ARHGAP10: variants seen among roughly 807,000 people sequenced by gnomAD.
ARHGAP10 encodes the protein Rho GTPase activating protein 10, also known as rho GTPase-activating protein 10.
Under a neutral mutation model 108.6 loss-of-function variants are expected in ARHGAP10, and 87 were observed. The observed-to-expected ratio is 0.80, with a 90% CI of 0.67 to 0.96. ARHGAP10 has a LOEUF of 0.96. Ranked by LOEUF, ARHGAP10 falls within the 40% of genes least tolerant of loss-of-function variation. The probability of loss-of-function intolerance (pLI) is 0.00; values close to 1 mark genes in which losing one functional copy is unlikely to be tolerated. For synonymous variants in ARHGAP10, 347 were observed against 341.1 expected (o/e 1.02, Z -0.19); for missense variants, 939 against 954.5 (o/e 0.98, Z 0.21).
intron 1 of ARHGAP10, among the ~76,000 whole-genome samples, chr4:147,792,201 G>T (rs1355999893): frequency 2.0e-5 from 3 of 152,152 alleles, no homozygotes; most frequent in Non-Finnish European, 4.4e-5. Flanking sequence ...ATTTTGTATT[G>T]TGAAACTTTT....
At chr4:147,784,861 A>T (rs1364111751) in intron 1 of ARHGAP10, among the ~76,000 whole-genome samples, 1 of 116,366 alleles carries the variant, frequency 8.6e-6, no homozygotes, top group Non-Finnish European at 1.6e-5. Context: ...TTATAAATAT[A>T]TTATAAAATA....
chr4:147,814,140 C>CT (rs1227025205), intron 1 of ARHGAP10, among the ~76,000 whole-genome samples: 1 of 152,202 alleles, frequency 6.6e-6, no homozygotes, highest in African/African-American at 2.4e-5. Context: ...GCCTCACCCT[C>CT]TTTGTATTCG....
chr4:147,922,687 C>CAAA (rs34169210), intron 13 of ARHGAP10, among the ~76,000 whole-genome samples: 2,285 of 99,068 alleles, frequency 0.023, 78 homozygotes, highest in East Asian at 0.13. Context: ...GACTCCGTCT[C>CAAA]AAAAAAAAAA....
At chr4:148,040,788 T>C (rs564888711) in intron 19 of ARHGAP10, among the ~76,000 whole-genome samples, 1 of 151,082 alleles carries the variant, frequency 6.6e-6, no homozygotes, top group African/African-American at 2.5e-5. Flanking sequence ...AGGGAAGTTA[T>C]GTATTTTTAT....
intron 17 of ARHGAP10, 87 bp downstream of exon 17, chr4:147,965,216 G>A: frequency 1.1e-6 from 1 of 927,600 alleles, no homozygotes; most frequent in Admixed American, 2.8e-5. Context: ...GTGGAACTGG[G>A]GACCACACCT....
At chr4:147,810,014 T>A (rs1228109135) in intron 1 of ARHGAP10, among the ~76,000 whole-genome samples, 21 of 152,244 alleles carry the variant, frequency 1.4e-4, no homozygotes, top group Non-Finnish European at 2.5e-4. Context: ...TATTATTTAG[T>A]ATTTTCTCTA....
chr4:147,779,286 C>T (rs1261094352), intron 1 of ARHGAP10, among the ~76,000 whole-genome samples: 1 of 152,130 alleles, frequency 6.6e-6, no homozygotes, highest in Non-Finnish European at 1.5e-5. Context: ...CTCCAGGGAC[C>T]ACTCTTGGCA....
rs1729707475 is a variant in ARHGAP10 at position 148,063,306 on chromosome 4, TG to T, written c.2180+8del. 10 of 1,613,876 alleles carry T rather than the reference TG, an allele frequency of 6.2e-6. No homozygotes were observed. Among genetic ancestry groups the T allele is most frequent in the Non-Finnish European group, 7.6e-6 (9 of 1,179,954 alleles). On this transcript the variant is annotated splice_region_variant and intron_variant, in intron 21 of 22. Coordinates refer to ENST00000336498, the MANE Select transcript of ARHGAP10 (RefSeq NM_024605.4). ...GCGGACAAGCCACCTGAAAGGTACGTGGTTTGGAGTGGAATGTGGAATATGG... is the reference window on the plus strand; with the variant it reads ...GCGGACAAGCCACCTGAAAGGTACGTGTTTGGAGTGGAATGTGGAATATGG...
At chr4:147,868,777 T>A (rs1165830855) in intron 7 of ARHGAP10, among the ~76,000 whole-genome samples, 1 of 152,102 alleles carries the variant, frequency 6.6e-6, no homozygotes, top group Non-Finnish European at 1.5e-5. Context: ...TAGATCCACG[T>A]GCGCAGTTCA....
chr4:147,982,367 T>TTC (rs1239379646), intron 18 of ARHGAP10, among the ~76,000 whole-genome samples: 5 of 28,652 alleles, frequency 1.7e-4, no homozygotes, highest in African/African-American at 3.1e-4. Context: ...CTTTCTTTCT[T>TTC]TTTTTTTTTT....
intron 1 of ARHGAP10, among the ~76,000 whole-genome samples, chr4:147,741,254 A>G (rs946817980): frequency 1.3e-5 from 2 of 152,242 alleles, no homozygotes; most frequent in African/African-American, 4.8e-5. Flanking sequence ...TTAGGATACT[A>G]GCTTTCAAAA....
intron 3 of ARHGAP10, among the ~76,000 whole-genome samples, chr4:147,828,050 G>T (rs1462287163): frequency 6.6e-6 from 1 of 152,058 alleles, no homozygotes; most frequent in Non-Finnish European, 1.5e-5. Context: ...TGATCTGCCC[G>T]CCTCATTCAC....
intron 1 of ARHGAP10, among the ~76,000 whole-genome samples, chr4:147,752,591 G>C (rs573137161): frequency 7.3e-5 from 11 of 151,046 alleles, no homozygotes; most frequent in African/African-American, 2.7e-4. Context: ...AGGCTGGCGT[G>C]ATCTTGGCTC....
rs148253342 is a variant in ARHGAP10, at chr4:147,899,329, G to A, written c.1035-7309G>A. 1.7e-3 allele frequency among the ~76,000 whole-genome samples: 256 copies of A among 150,538 alleles called. 5 individuals are homozygous for A. In the East Asian group the frequency reaches 0.033, roughly 20 times the overall value. On this transcript the variant is annotated intron_variant, in intron 10 of 22. Coordinates refer to ENST00000336498, the MANE Select transcript of ARHGAP10 (RefSeq NM_024605.4). ...CTGGGGTGTGTGTGTGTGTGCATGC[G>A]TGTGTGTGTGTGTGTCTGTGTCTGT...
intron 13 of ARHGAP10, among the ~76,000 whole-genome samples, chr4:147,925,320 C>T (rs114821470): frequency 0.015 from 2,228 of 151,998 alleles, 118 homozygotes; most frequent in East Asian, 0.13. Flanking sequence ...AGGGCAGCAG[C>T]GAGACACAAC....
chr4:147,921,818 C>T (rs892862576), intron 13 of ARHGAP10, among the ~76,000 whole-genome samples: 4 of 152,096 alleles, frequency 2.6e-5, no homozygotes, highest in Non-Finnish European at 5.9e-5. Context: ...CCCCTGTAGT[C>T]GTTTATTCCT....
chr4:147,732,184 G>A lies in ARHGAP10; in HGVS notation c.-118G>A. On this transcript the variant is annotated 5_prime_UTR_variant, in exon 1 of 23. Coordinates refer to ENST00000336498, the MANE Select transcript of ARHGAP10 (RefSeq NM_024605.4). ...TCCGTGCCGCGCTCGCCGCGCGCCC[G>A]GGCCTGCTAGCTCCTCTGTGCTCCC... 1 of 1,056,390 alleles carries A rather than the reference G, an allele frequency of 9.5e-7. No individual in the cohort carries two copies. Among genetic ancestry groups the A allele is most frequent in the South Asian group, 2.6e-5 (1 of 37,814 alleles). 65.4% of individuals were successfully genotyped at this position (1,056,390 alleles called of 1,614,324 possible). A position where few individuals can be genotyped will look rare whatever the true frequency, so the allele number is the denominator to read the frequency against.
At chr4:147,735,243 C>A (rs574491979) in intron 1 of ARHGAP10, among the ~76,000 whole-genome samples, 4 of 152,186 alleles carry the variant, frequency 2.6e-5, no homozygotes, top group Non-Finnish European at 5.9e-5. Context: ...TTACTTCAAT[C>A]TAAGGAACAT....
At chr4:147,979,560 A>G (rs898119461) in intron 18 of ARHGAP10, among the ~76,000 whole-genome samples, 1 of 152,056 alleles carries the variant, frequency 6.6e-6, no homozygotes, top group African/African-American at 2.4e-5. Flanking sequence ...GTGTTTTCTA[A>G]TTCTCTGAAA....
Sources: allele counts gnomAD v4.1 joint callset (sites outside exome capture counted in the v4.1 genomes callset), GRCh38; gene constraint gnomAD v4.1.1; transcripts MANE v1.5; gene names NCBI Gene and HGNC (gene_info 2026-07-23, HGNC 2026-07-21).